Variants in LRRN4 observed in about 807,000 individuals in gnomAD.
LRRN4 encodes the protein leucine-rich repeat neuronal protein 4.
Under a neutral mutation model 22.3 loss-of-function variants are expected in LRRN4, and 26 were observed. The observed-to-expected ratio is 1.16, with a 90% CI of 0.85 to 1.62. The LOEUF is 1.62. Among genes scored for constraint, LRRN4 ranks in the 40% most tolerant of loss-of-function variants. The pLI is 0.00. For missense variants in LRRN4, 1,070 were observed against 1,008.5 expected (o/e 1.06, Z -0.83); for synonymous variants, 496 against 486.2 (o/e 1.02, Z -0.26).
At chr20:6,047,563 G>C (rs1180456049) in intron 3 of LRRN4, among the ~76,000 whole-genome samples, 1 of 151,194 alleles carries the variant, frequency 6.6e-6, no homozygotes, top group Non-Finnish European at 1.5e-5. Flanking sequence ...GAGGCAGGCA[G>C]ATCACGAGGT....
At chr20:6,048,739 A>AT (rs2123056482) in intron 3 of LRRN4, among the ~76,000 whole-genome samples, 2 of 152,298 alleles carry the variant, frequency 1.3e-5, no homozygotes, top group East Asian at 3.9e-4. Context: ...CCAGCAGGCA[A>AT]TTAGATACGT....
Position 6,041,719 on chromosome 20 carries a change from G to T in LRRN4, c.1526C>A (p.Ala509Asp), listed in dbSNP as rs927867437. 21 of 1,613,474 alleles carry T rather than the reference G, an allele frequency of 1.3e-5. No homozygotes were observed. Among genetic ancestry groups the T allele is most frequent in the Non-Finnish European group, 1.8e-5 (21 of 1,179,686 alleles). Residue 509 changes from alanine to aspartate, a missense_variant, in exon 5 of 5, where the codon GCC becomes GAC. Physicochemically the swap from Ala to Asp is moderately radical, Grantham distance 126. Coordinates refer to ENST00000378858, the MANE Select transcript of LRRN4 (RefSeq NM_152611.5). This position sits in a 1 kb window ranked among gnomAD's most constrained non-coding sequence, Gnocchi z 9.4. ...PGQRTHATPQ[A>D]PNPSLSEGEI... The stretch of plus-strand genomic sequence containing the variant: ...GCCCTCGGAAAGACTCGGGTTGGGG[G>T]CTTGGGGTGTGGCGTGTGTCCTCTG...
intron 4 of LRRN4, among the ~76,000 whole-genome samples, chr20:6,043,551 G>A (rs1375304049): frequency 1.3e-5 from 2 of 152,144 alleles, no homozygotes; most frequent in Non-Finnish European, 2.9e-5. Flanking sequence ...TCTTTGGAGG[G>A]AATGTGGGGT....
Position 6,044,551 on chromosome 20 carries a change from G to A in LRRN4, c.990C>T (p.Val330=). The A allele has an allele frequency of 1.9e-6, 3 of 1,577,660 alleles. No homozygotes were observed. Among genetic ancestry groups the A allele is most frequent in the Non-Finnish European group, 2.6e-6 (3 of 1,163,422 alleles). ...SWLLTDAKRT[V]LSRAADTMCA... The stretch of plus-strand genomic sequence containing the variant: ...CTTTGTAAATGTGTTACCTGCTTAG[G>A]ACAGTTCTCTTTGCATCCGTGAGGA... Residue 330 remains valine, a synonymous_variant, in exon 4 of 5, where the codon GTC becomes GTT. Coordinates refer to ENST00000378858, the MANE Select transcript of LRRN4 (RefSeq NM_152611.5).
Position 6,040,845 on chromosome 20 carries a change from G to A in LRRN4, c.*177C>T, listed in dbSNP as rs1980902386. The A allele has an allele frequency of 5.1e-6, 4 of 790,762 alleles. No homozygotes were observed. Among genetic ancestry groups the A allele is most frequent in the Non-Finnish European group, 7.8e-6 (4 of 510,814 alleles). 49.0% of individuals were successfully genotyped at this position (790,762 alleles called of 1,614,324 possible). A position where few individuals can be genotyped will look rare whatever the true frequency, so the allele number is the denominator to read the frequency against. ...AACAGAGTTAAGTAGAAGGAAGGGA[G>A]GGCAGCAGTTCCTTGGACCCAGACA... On this transcript the variant is annotated 3_prime_UTR_variant, in exon 5 of 5. Coordinates refer to ENST00000378858, the MANE Select transcript of LRRN4 (RefSeq NM_152611.5).
rs1377059276 is a variant in LRRN4 at position 6,041,025 on chromosome 20, A to T, written c.2220T>A (p.Ser740Arg). ...ACGCGTTATCCCAGAAGCTGGGCTA[A>T]CTGACGGTCTGGAGCCCCAGCGGGT... ...DDYPLGLQTVS is the reference protein window; with the variant it reads ...DDYPLGLQTVR The change falls in exon 5 of 5, where the codon AGT becomes AGA. Residue 740 changes from serine to arginine, a missense_variant. Ser to Arg is a moderately radical substitution (Grantham distance 110). Coordinates refer to ENST00000378858, the MANE Select transcript of LRRN4 (RefSeq NM_152611.5). This position sits in a 1 kb window ranked among gnomAD's most constrained non-coding sequence, Gnocchi z 9.4. 4 of 1,613,930 alleles carry T rather than the reference A, an allele frequency of 2.5e-6. No homozygotes were observed. The highest frequency in any genetic ancestry group is 3.4e-6 in the Non-Finnish European group (4 of 1,179,968).
chr20:6,042,397 T>G, intron 4 of LRRN4, 151 bp from the exon 5 acceptor site: 1 of 833,832 alleles, frequency 1.2e-6, no homozygotes. Context: ...CACACACACA[T>G]CACCTCATTG....
At position 6,050,661 on chromosome 20, in the gene LRRN4, A is replaced by G. The variant is rs1251965999; in HGVS notation, c.860+118T>C. 3.0e-6 allele frequency: 3 copies of G among 1,016,826 alleles called. No homozygotes were observed. In the East Asian group the frequency reaches 7.1e-5, roughly 24 times the overall value. The allele number at this position is 1,016,826 out of a possible 1,614,324, so 63.0% of individuals were successfully genotyped here. On this transcript the variant is annotated intron_variant, in intron 3 of 4. Coordinates refer to ENST00000378858, the MANE Select transcript of LRRN4 (RefSeq NM_152611.5). ...AGGGTGGGGGAAAACAAAGCCCCAG[A>G]GAGGATTTGGAAGAGTAGTGGGAGA... is the stretch of plus-strand genomic sequence containing the variant.
rs57188958 is a variant in LRRN4, at chr20:6,047,425, TACACACAC to T, written c.861-2753_861-2746del. 6.1e-3 allele frequency among the ~76,000 whole-genome samples: 787 copies of T among 128,450 alleles called. 2 individuals carry two copies. The highest frequency in any genetic ancestry group is 0.01 in the African/African-American group (379 of 37,896). 84.3% of individuals were successfully genotyped at this position (128,450 alleles called of 152,430 possible). On this transcript the variant is annotated intron_variant, in intron 3 of 4. Transcript: ENST00000378858. Reference sequence around the variant, plus strand: ...AAGGTGTTAAAGAAGCAGACACACATACACACACACACACACACACACACACACACACA... The same window carrying T: ...AAGGTGTTAAAGAAGCAGACACACATACACACACACACACACACACACACA...
In LRRN4 at chr20:6,052,759, C is replaced by A; in HGVS notation, c.41G>T (p.Arg14Leu). Residue 14 changes from arginine to leucine, a missense_variant, in exon 2 of 5, where the codon CGC becomes CTC. Transcript: ENST00000378858. ...TLPLLLLTVL[R>L]PSWADPPQEK... Reference sequence around the variant, plus strand: ...CTGGGGAGGGTCTGCCCAGCTGGGGCGCAGCACCGTCAGCAGCAGCAGCGG... The same window carrying A: ...CTGGGGAGGGTCTGCCCAGCTGGGGAGCAGCACCGTCAGCAGCAGCAGCGG... The A allele has an allele frequency of 6.3e-7, 1 of 1,574,832 alleles. No individual in the cohort carries two copies. Among genetic ancestry groups the A allele is most frequent in the Non-Finnish European group, 8.6e-7 (1 of 1,168,070 alleles).
chr20:6,050,475 GGTCCTCCTCACCTCTTCCCACT>G (rs1981216402), intron 3 of LRRN4, among the ~76,000 whole-genome samples: 1 of 152,178 alleles, frequency 6.6e-6, no homozygotes, highest in Non-Finnish European at 1.5e-5. Flanking sequence ...GGAGACCTGA[GGTCCTCCTCACCTCTTCCCACT>G]GTAAATTTCT....
chr20:6,045,548 T>C (rs1981082172), intron 3 of LRRN4, among the ~76,000 whole-genome samples: 1 of 149,136 alleles, frequency 6.7e-6, no homozygotes, highest in African/African-American at 2.4e-5. Flanking sequence ...CAAATAGATA[T>C]TGTTATTATG....
chr20:6,040,902 G>A lies in LRRN4; in HGVS notation c.*120C>T. ...GTGGCAAGTTCCATGTGTGCTCAAG[G>A]CATTCTGGCTTCACGGGAATTAGAA... On this transcript the variant is annotated 3_prime_UTR_variant, in exon 5 of 5. Transcript: ENST00000378858. 1 of 1,367,076 alleles carries A rather than the reference G, an allele frequency of 7.3e-7. No individual in the cohort carries two copies. The highest frequency in any genetic ancestry group is 1.0e-6 in the Non-Finnish European group (1 of 1,002,336). 84.7% of individuals were successfully genotyped at this position (1,367,076 alleles called of 1,614,324 possible).
chr20:6,045,460 A>AAAC (rs751454379), intron 3 of LRRN4, among the ~76,000 whole-genome samples: 1 of 148,318 alleles, frequency 6.7e-6, no homozygotes, highest in Non-Finnish European at 1.5e-5. Context: ...AAAACAAAAC[A>AAAC]AACAACAACA....
In LRRN4 at chr20:6,041,458, G is replaced by C. The variant is rs1358147627; in HGVS notation, c.1787C>G (p.Ala596Gly). ...QGVTETTDTS[A>G]LVHWCAPNSV... is the part of the protein sequence containing the mutation. ...GTTGGGGGCACACCAGTGGACCAGC[G>C]CCGACGTGTCCGTGGTCTCCGTCAC... The change falls in exon 5 of 5, where the codon GCG becomes GGG. Residue 596 changes from alanine to glycine, a missense_variant. Transcript: ENST00000378858. The surrounding 1 kb of genome is among the most constrained non-coding windows in gnomAD (Gnocchi z 9.4). The C allele has an allele frequency of 2.6e-6, 4 of 1,555,630 alleles. No individual in the cohort carries two copies. The highest frequency in any genetic ancestry group is 1.2e-5 in the South Asian group (1 of 81,572).
At position 6,040,962 on chromosome 20, in the gene LRRN4, T is replaced by C. The variant is rs1980909088; in HGVS notation, c.*60A>G. ...GCGGATGGGGTCGTTTTTGACCGTCTGTGTCTTCCTTTTTGCGCTCAGATC... is the reference window on the plus strand; with the variant it reads ...GCGGATGGGGTCGTTTTTGACCGTCCGTGTCTTCCTTTTTGCGCTCAGATC... On this transcript the variant is annotated 3_prime_UTR_variant, in exon 5 of 5. Coordinates refer to ENST00000378858, the MANE Select transcript of LRRN4 (RefSeq NM_152611.5). The C allele has an allele frequency of 6.3e-7, 1 of 1,592,944 alleles. No individual in the cohort carries two copies. The highest frequency in any genetic ancestry group is 8.6e-7 in the Non-Finnish European group (1 of 1,168,826).
Position 6,047,613 on chromosome 20 carries a change from C to T in LRRN4, c.861-2933G>A, listed in dbSNP as rs186495562. ...CATTCCGGCCAACATGATGAAACCC[C>T]GTCTTAACTAAAAATACAAAAAAAA... On this transcript the variant is annotated intron_variant, in intron 3 of 4. Coordinates refer to ENST00000378858, the MANE Select transcript of LRRN4 (RefSeq NM_152611.5). 9.0e-3 allele frequency among the ~76,000 whole-genome samples: 1,353 copies of T among 149,508 alleles called. 19 individuals carry two copies. The highest frequency in any genetic ancestry group is 0.032 in the African/African-American group (1,295 of 40,142).
chr20:6,042,334 C>G, intron 4 of LRRN4, 88 bp from the exon 5 acceptor site: 1 of 1,435,234 alleles, frequency 7.0e-7, no homozygotes, highest in Non-Finnish European at 9.2e-7. Flanking sequence ...GACGTCACCC[C>G]CTGCCAAGCC....
In LRRN4 at chr20:6,052,220, C is replaced by T. The variant is rs1158631872; in HGVS notation, c.580G>A (p.Ala194Thr). ...GGCGCGCCATCCTCTCCAGCGAACG[C>T]CGCCTCGGCGATGCCCCCCTGGGCT... ...RGAQGGIAEA[A>T]FAGEDGAPLV... Residue 194 changes from alanine (A) to threonine (T), a missense_variant, in exon 2 of 5, where the codon GCG becomes ACG. Physicochemically the swap from Ala to Thr is moderately conservative, Grantham distance 58. Coordinates refer to ENST00000378858, the MANE Select transcript of LRRN4 (RefSeq NM_152611.5). The T allele has an allele frequency of 1.3e-6, 2 of 1,585,090 alleles. No homozygotes were observed. The highest frequency in any genetic ancestry group is 1.7e-6 in the Non-Finnish European group (2 of 1,166,514).
Sources: gnomAD v4.1 joint callset for allele counts (sites outside exome capture counted in the v4.1 genomes callset) on GRCh38, gnomAD v4.1.1 for gene constraint, Gnocchi (gnomAD v3.1) non-coding constraint, MANE v1.5 for transcripts, NCBI Gene and HGNC (gene_info 2026-07-23, HGNC 2026-07-21) for gene names.